RDH16: variants seen among roughly 807,000 people sequenced by gnomAD.
RDH16 encodes the protein retinol dehydrogenase 16, also known as human epidermal retinol dehydrogenase.
RDH16 carries 25 observed loss-of-function variants against 22.3 expected under a neutral mutation model. The ratio of observed to expected loss-of-function variants is 1.12; its 90% confidence interval spans 0.82 to 1.56. RDH16 has a LOEUF of 1.56. Ranked by LOEUF, RDH16 falls within the 40% of genes most tolerant of loss-of-function variation. The pLI is 0.00. For synonymous variants in RDH16, 154 were observed against 164.4 expected (o/e 0.94, Z 0.48); for missense variants, 413 against 394.9 (o/e 1.05, Z -0.39).
chr12:56,957,051 T>G, intron 1 of RDH16, 99 bp downstream of exon 1: 2 of 1,234,468 alleles, frequency 1.6e-6, no homozygotes, highest in East Asian at 4.7e-5. Context: ...TACTTCAACC[T>G]GGAAAGACAC....
chr12:56,952,194 C>A lies in RDH16; in HGVS notation c.789G>T (p.Leu263Phe), dbSNP rs368315464. Residue 263 changes from leucine to phenylalanine, a missense_variant, in exon 4 of 4, where the codon TTG (leucine) becomes TTT (phenylalanine). Coordinates refer to ENST00000398138, the MANE Select transcript of RDH16 (RefSeq NM_003708.5). ...MEQKCTQDLS[L>F]VTNCMEHALI... ...GCGCATGCTCCATGCAGTTGGTCAC[C>A]AACGACAGATCCTGTGTGCACTTCT... 6 of 1,614,156 alleles carry A rather than the reference C, an allele frequency of 3.7e-6. No homozygotes were observed. The highest frequency in any genetic ancestry group is 1.3e-5 in the African/African-American group (1 of 75,028).
In RDH16 at chr12:56,951,986, T is replaced by C. The variant is rs1299339699; in HGVS notation, c.*43A>G. 7 of 1,576,568 alleles carry C rather than the reference T, an allele frequency of 4.4e-6. No homozygotes were observed. In the African/African-American group the frequency reaches 6.7e-5, roughly 15 times the overall value. On this transcript the variant is annotated 3_prime_UTR_variant, in exon 4 of 4. Coordinates refer to ENST00000398138, the MANE Select transcript of RDH16 (RefSeq NM_003708.5). ...TCTCCCAAGGATACACCACCCCTCA[T>C]AGCACACCCCAAATCCATGCAACCA...
chr12:56,952,482 A>G (rs1592430939), intron 3 of RDH16, among the ~76,000 whole-genome samples: 1 of 152,160 alleles, frequency 6.6e-6, no homozygotes, highest in Admixed American at 6.5e-5. Context: ...GACTGCATAA[A>G]TGATGGTCTC....
chr12:56,954,065 T>C (rs926343238), intron 2 of RDH16, among the ~76,000 whole-genome samples: 1 of 152,144 alleles, frequency 6.6e-6, no homozygotes, highest in Admixed American at 6.5e-5. Context: ...CTGCATGCTG[T>C]CTTTGGGCCC....
rs1955877830 is a variant in RDH16 at position 56,951,485 on chromosome 12, G to A, written c.*544C>T. On this transcript the variant is annotated 3_prime_UTR_variant, in exon 4 of 4. Transcript: ENST00000398138. ...TGTCCTCTGCACAGATCCTTACTTA[G>A]GACACCACCTCCCAGCCACTGCTTC... 6.0e-6 allele frequency: 1 copy of A among 165,734 alleles called. No homozygotes were observed. The highest frequency in any genetic ancestry group is 1.3e-5 in the Non-Finnish European group (1 of 74,888). The allele number at this position is 165,734 out of a possible 1,614,324, so 10.3% of individuals were successfully genotyped here. A position where few individuals can be genotyped will look rare whatever the true frequency, so the allele number is the denominator to read the frequency against.
rs1272797536 is a variant in RDH16 at position 56,957,308 on chromosome 12, C to T, written c.155G>A (p.Arg52Gln). Reference protein sequence around the residue: ...GKLLARQLDARGLRVLAACLT... With the variant: ...GKLLARQLDAQGLRVLAACLT... ...ACATGCAGCCAGCACCCGCAAGCCT[C>T]GTGCATCCAGCTGTCTGGCCAGCAG... is the stretch of plus-strand genomic sequence containing the variant. The change falls in exon 1 of 4, where the codon CGA (arginine) becomes CAA (glutamine). Residue 52 changes from arginine to glutamine, a missense_variant. Coordinates refer to ENST00000398138, the MANE Select transcript of RDH16 (RefSeq NM_003708.5). The T allele has an allele frequency of 3.7e-6, 6 of 1,614,202 alleles. No homozygotes were observed. Among genetic ancestry groups the T allele is most frequent in the African/African-American group, 1.3e-5 (1 of 75,058 alleles).
chr12:56,957,389 C>T lies in RDH16; in HGVS notation c.74G>A (p.Ser25Asn), dbSNP rs372821581. 3.3e-5 allele frequency: 53 copies of T among 1,614,046 alleles called. No individual in the cohort carries two copies. The highest frequency in any genetic ancestry group is 3.8e-5 in the Non-Finnish European group (45 of 1,180,034). ...LHWYRERQVL[S>N]HLRDKYVFIT... ...GAACACATACTTATCTCTCAGGTGG[C>T]TCAGCACCTGCCTCTCCCGGTACCA... The change falls in exon 1 of 4, where the codon AGC (serine) becomes AAC (asparagine). Residue 25 changes from serine (S) to asparagine (N), a missense_variant. Coordinates refer to ENST00000398138, the MANE Select transcript of RDH16 (RefSeq NM_003708.5).
rs1049896536 is a variant in RDH16 at position 56,951,700 on chromosome 12, T to A, written c.*329A>T. On this transcript the variant is annotated 3_prime_UTR_variant, in exon 4 of 4. Transcript: ENST00000398138. ...AGGAGGTAATGGCATGGGCTGAGGC[T>A]CCTTCCACCTGCTCACACCCACCCC... The A allele has an allele frequency of 2.9e-6, 1 of 348,150 alleles. No homozygotes were observed. The highest frequency in any genetic ancestry group is 5.4e-6 in the Non-Finnish European group (1 of 184,068). 21.6% of individuals were successfully genotyped at this position (348,150 alleles called of 1,614,324 possible).
chr12:56,952,876 C>A lies in RDH16; in HGVS notation c.687G>T (p.Arg229=), dbSNP rs1180073537. 2 of 1,613,940 alleles carry A rather than the reference C, an allele frequency of 1.2e-6. No homozygotes were observed. Among genetic ancestry groups the A allele is most frequent in the Non-Finnish European group, 1.7e-6 (2 of 1,180,006 alleles). ...AGGCCTCCTTGACCTCTGGACTGGA[C>A]CGGTCCCAAATCTCCAGGAAGCTCT... ...FLKSFLEIWD[R]SSPEVKEAYG... is the part of the protein sequence containing the mutation. The change falls in exon 3 of 4, where the codon CGG becomes CGT. Residue 229 remains arginine (R), a synonymous_variant. Coordinates refer to ENST00000398138, the MANE Select transcript of RDH16 (RefSeq NM_003708.5).
At chr12:56,956,566 T>C (rs1410470959) in intron 1 of RDH16, among the ~76,000 whole-genome samples, 1 of 152,176 alleles carries the variant, frequency 6.6e-6, no homozygotes, top group Admixed American at 6.5e-5. Context: ...TCTTTCTTCC[T>C]CTATAATAAG....
In RDH16 at chr12:56,954,987, C is replaced by G; in HGVS notation, c.491G>C (p.Ser164Thr). 1.2e-6 allele frequency: 2 copies of G among 1,614,212 alleles called. No homozygotes were observed. Among genetic ancestry groups the G allele is most frequent in the Admixed American group, 3.3e-5 (2 of 60,030 alleles). ...RARGRVVNVS[S>T]VMGRVSLFGG... The stretch of plus-strand genomic sequence containing the variant: ...AAAAAGTGACACCCGGCCCATGACA[C>G]TGGAGACGTTGACCACACGGCCCCT... The change falls in exon 2 of 4, where the codon AGT (serine) becomes ACT (threonine). Residue 164 changes from serine (S) to threonine (T), a missense_variant. By Grantham distance (58) the Ser-to-Thr change is moderately conservative. Coordinates refer to ENST00000398138, the MANE Select transcript of RDH16 (RefSeq NM_003708.5).
At chr12:56,956,435 T>A (rs1955929526) in intron 1 of RDH16, among the ~76,000 whole-genome samples, 1 of 152,188 alleles carries the variant, frequency 6.6e-6, no homozygotes, top group Non-Finnish European at 1.5e-5. Context: ...TTTGTATAAT[T>A]GTAAAAAGGA....
Position 56,957,271 on chromosome 12 carries a change from T to A in RDH16, c.192A>T (p.Lys64Asn). 6.2e-7 allele frequency: 1 copy of A among 1,614,164 alleles called. No homozygotes were observed. The highest frequency in any genetic ancestry group is 8.5e-7 in the Non-Finnish European group (1 of 1,180,036). The change falls in exon 1 of 4, where the codon AAA becomes AAT. Residue 64 changes from lysine (K) to asparagine (N), a missense_variant. Coordinates refer to ENST00000398138, the MANE Select transcript of RDH16 (RefSeq NM_003708.5). ...LRVLAACLTE[K>N]GAEQLRGQTS... ...TCTGGCCCCTCAGCTGCTCGGCTCC[T>A]TTCTCCGTCAGACATGCAGCCAGCA...
intron 1 of RDH16, among the ~76,000 whole-genome samples, chr12:56,955,943 T>C (rs1233231274): frequency 6.6e-6 from 1 of 152,154 alleles, no homozygotes; most frequent in Admixed American, 6.5e-5. Context: ...GGAAAATCTC[T>C]CTGGAAGATG....
chr12:56,955,081 T>C lies in RDH16; in HGVS notation c.397A>G (p.Ile133Val). The change falls in exon 2 of 4, where the codon ATA becomes GTA. Residue 133 changes from isoleucine to valine, a missense_variant. Ile to Val is a conservative substitution (Grantham distance 29). Transcript: ENST00000398138. ...ACCCCCAACAAGTTCACGTCCAGTA[T>C]GGTCACGAAGTCCTGCTTGGTGAGC... ...ELLTKQDFVTILDVNLLGVID... is the reference protein window; with the variant it reads ...ELLTKQDFVTVLDVNLLGVID... The C allele has an allele frequency of 6.2e-7, 1 of 1,614,138 alleles. No homozygotes were observed. Among genetic ancestry groups the C allele is most frequent in the Non-Finnish European group, 8.5e-7 (1 of 1,180,036 alleles).
intron 2 of RDH16, 100 bp downstream of exon 2, chr12:56,954,806 A>C: frequency 7.8e-7 from 1 of 1,288,580 alleles, no homozygotes; most frequent in South Asian, 1.4e-5. Flanking sequence ...GATCTCATGA[A>C]AGGAACTTAC....
At chr12:56,956,550 C>T (rs1955930031) in intron 1 of RDH16, among the ~76,000 whole-genome samples, 1 of 152,036 alleles carries the variant, frequency 6.6e-6, no homozygotes, top group Admixed American at 6.6e-5. Flanking sequence ...AAAATAAATC[C>T]ATGTTTCTTT....
In RDH16 at chr12:56,951,970, G is replaced by C; in HGVS notation, c.*59C>G. 2 of 1,490,758 alleles carry C rather than the reference G, an allele frequency of 1.3e-6. No individual in the cohort carries two copies. The highest frequency in any genetic ancestry group is 1.9e-6 in the Non-Finnish European group (2 of 1,072,798). 92.3% of individuals were successfully genotyped at this position (1,490,758 alleles called of 1,614,324 possible). Reference sequence around the variant, plus strand: ...CCCTCCACTTTATATCTCTCCCAAGGATACACCACCCCTCATAGCACACCC... The same window carrying C: ...CCCTCCACTTTATATCTCTCCCAAGCATACACCACCCCTCATAGCACACCC... On this transcript the variant is annotated 3_prime_UTR_variant, in exon 4 of 4. Transcript: ENST00000398138.
Position 56,954,906 on chromosome 12 carries a change from C to T in RDH16, c.572G>A (p.Arg191Lys). 1 of 1,614,124 alleles carries T rather than the reference C, an allele frequency of 6.2e-7. No individual in the cohort carries two copies. Among genetic ancestry groups the T allele is most frequent in the Non-Finnish European group, 8.5e-7 (1 of 1,180,006 alleles). The change falls in exon 2 of 4, where the codon AGG becomes AAG. Residue 191 changes from arginine to lysine, a missense_variant and splice_region_variant. By Grantham distance (26) the Arg-to-Lys change is conservative. Coordinates refer to ENST00000398138, the MANE Select transcript of RDH16 (RefSeq NM_003708.5). Reference sequence around the variant, plus strand: ...GGTGGGCCCCATCCCAGACCCATACCTGAGGGAGTCAGAGAAGGCTTCCAC... The same window carrying T: ...GGTGGGCCCCATCCCAGACCCATACTTGAGGGAGTCAGAGAAGGCTTCCAC... Reference protein sequence around the residue: ...YGVEAFSDSLRRELSYFGVKV... With the variant: ...YGVEAFSDSLKRELSYFGVKV...
Sources: allele counts gnomAD v4.1 joint callset (sites outside exome capture counted in the v4.1 genomes callset), GRCh38; gene constraint gnomAD v4.1.1; transcripts MANE v1.5; gene names NCBI Gene and HGNC (gene_info 2026-07-23, HGNC 2026-07-21).